NRXN1: variants seen among roughly 807,000 people sequenced by gnomAD.
The protein encoded by NRXN1 is neurexin 1, also known as neurexin-1.
Under a neutral mutation model 150.9 loss-of-function variants are expected in NRXN1, and 39 were observed. That is an observed-to-expected ratio of 0.26 (90% CI 0.20 to 0.34). The LOEUF is 0.34. Ranked by LOEUF, NRXN1 falls within the 10% of genes least tolerant of loss-of-function variation. The pLI is 1.00. For missense variants in NRXN1, 1,815 were observed against 1,949.9 expected (o/e 0.93, Z 1.30); for synonymous variants, 924 against 757.0 (o/e 1.22, Z -3.62).
At chr2:50,277,618 G>A (rs575586164) in intron 17 of NRXN1, among the ~76,000 whole-genome samples, 1 of 150,614 alleles carries the variant, frequency 6.6e-6, no homozygotes, top group East Asian at 2.0e-4. Context: ...TCTTTGTTTT[G>A]ATCACCAAGC....
chr2:50,574,179 A>C (rs1243989931), intron 8 of NRXN1, among the ~76,000 whole-genome samples: 1 of 152,180 alleles, frequency 6.6e-6, no homozygotes, highest in Non-Finnish European at 1.5e-5. Flanking sequence ...ACCCAGGAAG[A>C]CATTAGACAC....
chr2:50,778,786 G>A (rs1190257305), intron 5 of NRXN1, among the ~76,000 whole-genome samples: 1 of 152,122 alleles, frequency 6.6e-6, no homozygotes, highest in East Asian at 1.9e-4. Context: ...ATGTTCGTTT[G>A]TTACAAAGGT....
intron 18 of NRXN1, among the ~76,000 whole-genome samples, chr2:50,123,510 A>G (rs1704151518): frequency 6.6e-6 from 1 of 152,134 alleles, no homozygotes; most frequent in Non-Finnish European, 1.5e-5. Context: ...ACTCTGGGGA[A>G]GATAGGTACT....
chr2:50,818,299 C>G (rs781228752), intron 5 of NRXN1, among the ~76,000 whole-genome samples: 2 of 151,318 alleles, frequency 1.3e-5, no homozygotes, highest in Non-Finnish European at 2.9e-5. Context: ...ATTAAGCATT[C>G]CAATTTGGAA....
chr2:50,505,803 T>C (rs1347849081), intron 13 of NRXN1, among the ~76,000 whole-genome samples: 1 of 152,128 alleles, frequency 6.6e-6, no homozygotes, highest in Non-Finnish European at 1.5e-5. Context: ...CCAGAATAAT[T>C]AACATGGCTA....
intron 5 of NRXN1, among the ~76,000 whole-genome samples, chr2:50,835,884 G>A (rs1400103558): frequency 6.6e-6 from 1 of 152,100 alleles, no homozygotes; most frequent in Non-Finnish European, 1.5e-5. Flanking sequence ...TAACTTTGCT[G>A]AGCCTCATTT....
At chr2:50,505,477 T>C (rs1390186980) in intron 13 of NRXN1, among the ~76,000 whole-genome samples, 6 of 152,150 alleles carry the variant, frequency 3.9e-5, no homozygotes, top group Admixed American at 1.3e-4. Flanking sequence ...TGACCTTAGA[T>C]ACTAACTGTT....
In NRXN1 at chr2:50,839,696, G is replaced by A. The variant is rs561391933; in HGVS notation, c.832+82173C>T. Among the ~76,000 whole-genome samples, 20 of 152,190 alleles carry A rather than the reference G, an allele frequency of 1.3e-4. 1 individual carries two copies. The South Asian group carries it at 3.9e-3, about 30-fold the overall frequency. On this transcript the variant is annotated intron_variant, in intron 5 of 22. Transcript: ENST00000401669. ...CTATGAGCTAGACAGTCCTCTATATGCTGAGTATAGGATAATAAAGAAAAC... is the reference window on the plus strand; with the variant it reads ...CTATGAGCTAGACAGTCCTCTATATACTGAGTATAGGATAATAAAGAAAAC...
chr2:50,610,754 T>TTATATA lies in NRXN1; in HGVS notation c.1320+9262_1320+9267dup, dbSNP rs5831144. On this transcript the variant is annotated intron_variant, in intron 8 of 22. Transcript: ENST00000401669. ...ACTAGAACATAGCTTGTAATTATATTTATATATATATATATATGTATATAT... is the reference window on the plus strand; with the variant it reads ...ACTAGAACATAGCTTGTAATTATATTTATATATATATATATATATATATGTATATAT... 1.6e-5 allele frequency among the ~76,000 whole-genome samples: 2 copies of TTATATA among 127,946 alleles called. 1 individual carries two copies. Among genetic ancestry groups the TTATATA allele is most frequent in the African/African-American group, 5.7e-5 (2 of 34,798 alleles). 83.9% of individuals were successfully genotyped at this position (127,946 alleles called of 152,430 possible).
chr2:50,553,148 G>C, intron 8 of NRXN1, 123 bp from the exon 9 acceptor site: 1 of 706,560 alleles, frequency 1.4e-6, no homozygotes, highest in Non-Finnish European at 2.4e-6. Flanking sequence ...TAATTTTGTT[G>C]TATAAAGGCA....
At chr2:50,299,670 G>T (rs1362037738) in intron 17 of NRXN1, among the ~76,000 whole-genome samples, 6 of 151,980 alleles carry the variant, frequency 3.9e-5, no homozygotes, top group African/African-American at 1.5e-4. Flanking sequence ...TATTCAAATT[G>T]TTCTTTATTT....
chr2:50,181,974 A>C (rs749991724), intron 18 of NRXN1, among the ~76,000 whole-genome samples: 28 of 151,968 alleles, frequency 1.8e-4, no homozygotes, highest in Non-Finnish European at 3.7e-4. Context: ...GTACGCTATT[A>C]ATTTTTCAAC....
At chr2:50,817,799 A>T (rs1574581421) in intron 5 of NRXN1, among the ~76,000 whole-genome samples, 1 of 152,000 alleles carries the variant, frequency 6.6e-6, no homozygotes, top group South Asian at 2.1e-4. Flanking sequence ...ACTAAATTCA[A>T]CCCCTTTTCA....
intron 18 of NRXN1, among the ~76,000 whole-genome samples, chr2:50,190,310 A>G (rs1486323062): frequency 6.6e-6 from 1 of 152,138 alleles, no homozygotes; most frequent in East Asian, 1.9e-4. Context: ...CACTACATAA[A>G]TTAGTTGAGA....
intron 17 of NRXN1, among the ~76,000 whole-genome samples, chr2:50,334,992 A>T (rs1458214273): frequency 6.6e-6 from 1 of 152,160 alleles, no homozygotes; most frequent in Non-Finnish European, 1.5e-5. Context: ...CGGGAGAGAA[A>T]GTGGTGGGAC....
chr2:50,759,212 A>G (rs548809358), intron 5 of NRXN1, among the ~76,000 whole-genome samples: 1 of 152,068 alleles, frequency 6.6e-6, no homozygotes, highest in South Asian at 2.1e-4. Flanking sequence ...CAAGGTAAGA[A>G]CTAATAATAC....
chr2:50,426,437 G>T (rs1014409105), intron 17 of NRXN1, among the ~76,000 whole-genome samples: 1 of 152,130 alleles, frequency 6.6e-6, no homozygotes, highest in African/African-American at 2.4e-5. Flanking sequence ...TAAATTTGAT[G>T]TATTTTATAA....
At chr2:50,002,033 G>T (rs1286475841) in intron 21 of NRXN1, among the ~76,000 whole-genome samples, 1 of 151,914 alleles carries the variant, frequency 6.6e-6, no homozygotes, top group Non-Finnish European at 1.5e-5. Flanking sequence ...CAACCAGAAA[G>T]AATTAAGTTT....
chr2:50,009,259 C>G (rs1484457436), intron 21 of NRXN1, among the ~76,000 whole-genome samples: 2 of 152,130 alleles, frequency 1.3e-5, no homozygotes, highest in African/African-American at 4.8e-5. Flanking sequence ...ACAATCTCTG[C>G]AGTCACTAAG....
Sources: allele counts gnomAD v4.1 joint callset (sites outside exome capture counted in the v4.1 genomes callset), GRCh38; gene constraint gnomAD v4.1.1; transcripts MANE v1.5; gene names NCBI Gene and HGNC (gene_info 2026-07-23, HGNC 2026-07-21).